The following YES1 variants were observed in gnomAD, a reference collection of about 807,000 sequenced individuals.
YES1 encodes tyrosine-protein kinase Yes.
A neutral mutation model predicts 70.4 loss-of-function variants in YES1; 39 were observed. The ratio of observed to expected loss-of-function variants is 0.55; its 90% CI spans 0.43 to 0.72. The LOEUF (loss-of-function observed/expected upper bound fraction) is 0.72, where lower values mean the gene tolerates loss of function less well. YES1 is among the 30% of genes least tolerant of loss of function. The probability of loss-of-function intolerance (pLI) is 0.00; values close to 1 mark genes in which losing one functional copy is unlikely to be tolerated. For synonymous variants in YES1, 198 were observed against 218.6 expected (o/e 0.91, Z 0.83); for missense variants, 495 against 644.8 (o/e 0.77, Z 2.52).
chr18:764,742 C>T (rs1904779587), intron 1 of YES1, among the ~76,000 whole-genome samples: 1 of 151,540 alleles, frequency 6.6e-6, no homozygotes, highest in South Asian at 2.1e-4. Context: ...TTTTTTCTCT[C>T]TTTTTTTTGA....
At chr18:794,301 C>T (rs538388536) in intron 1 of YES1, among the ~76,000 whole-genome samples, 21 of 152,238 alleles carry the variant, frequency 1.4e-4, no homozygotes, top group Non-Finnish European at 2.6e-4. Flanking sequence ...AAACATCAAA[C>T]AAAAACTCAT....
intron 1 of YES1, among the ~76,000 whole-genome samples, chr18:762,396 T>A (rs542827334): frequency 6.6e-6 from 1 of 152,318 alleles, no homozygotes; most frequent in East Asian, 1.9e-4. Flanking sequence ...TTACACTGAT[T>A]ACCTGGGTAA....
intron 1 of YES1, among the ~76,000 whole-genome samples, chr18:791,350 T>C (rs1906239871): frequency 6.6e-6 from 1 of 152,078 alleles, no homozygotes; most frequent in Admixed American, 6.5e-5. Context: ...TTATTAAGAA[T>C]AGTAACAGAT....
intron 3 of YES1, among the ~76,000 whole-genome samples, chr18:748,779 T>A (rs1382100412): frequency 7.2e-6 from 1 of 138,204 alleles, no homozygotes; most frequent in Non-Finnish European, 1.5e-5. Flanking sequence ...TGTAATACTC[T>A]TTTTTACTCA....
At position 808,680 on chromosome 18, in the gene YES1, T is replaced by C. The variant is rs1907221644; in HGVS notation, c.-9+3434A>G. On this transcript the variant is annotated intron_variant, in intron 1 of 11. Transcript: ENST00000314574. Reference sequence around the variant, plus strand: ...AACATGACTGAAAGTTCCTGTGATATAAAAATTTGGCACAGATGAGATCTC... The same window carrying C: ...AACATGACTGAAAGTTCCTGTGATACAAAAATTTGGCACAGATGAGATCTC... Among the ~76,000 whole-genome samples the C allele has an allele frequency of 2.0e-5, 3 of 152,164 alleles. No homozygotes were observed. The South Asian group carries it at 6.2e-4, about 32-fold the overall frequency.
intron 1 of YES1, among the ~76,000 whole-genome samples, chr18:811,361 G>A (rs555464874): frequency 7.2e-5 from 11 of 152,048 alleles, no homozygotes; most frequent in Middle Eastern, 3.4e-3. Context: ...AAAAACTAAA[G>A]TCCCTACACC....
chr18:734,370 C>A (rs977013689), intron 10 of YES1, among the ~76,000 whole-genome samples: 2 of 151,118 alleles, frequency 1.3e-5, no homozygotes, highest in African/African-American at 4.9e-5. Context: ...CTGGCTAATA[C>A]GGTAAAACCC....
intron 1 of YES1, among the ~76,000 whole-genome samples, chr18:809,169 G>A (rs1010404044): frequency 1.3e-5 from 2 of 152,140 alleles, no homozygotes; most frequent in Non-Finnish European, 2.9e-5. Flanking sequence ...ACAAGCCGAA[G>A]CGGATTTTAA....
Position 756,755 on chromosome 18 carries a change from C to T in YES1, c.73G>A (p.Val25Ile). The change falls in exon 2 of 12, where the codon GTC becomes ATC. Residue 25 changes from valine to isoleucine, a missense_variant. Coordinates refer to ENST00000314574, the MANE Select transcript of YES1 (RefSeq NM_005433.4). ...CCATAATGGCTCACACTTGTACTGA[C>T]AGGCTCTGGAGTATTTTCAGGTCTG... ...KYRPENTPEP[V>I]STSVSHYGAE... 1 of 1,614,204 alleles carries T rather than the reference C, an allele frequency of 6.2e-7. No homozygotes were observed.
intron 10 of YES1, among the ~76,000 whole-genome samples, chr18:733,253 A>G (rs2080112373): frequency 6.6e-6 from 1 of 152,248 alleles, no homozygotes; most frequent in South Asian, 2.1e-4. Flanking sequence ...AGCCAAAGAT[A>G]CATGTTATAA....
chr18:779,023 C>A (rs994151105), intron 1 of YES1, among the ~76,000 whole-genome samples: 3 of 152,054 alleles, frequency 2.0e-5, no homozygotes, highest in Admixed American at 6.6e-5. Context: ...CTTAAAGTAA[C>A]CCAACTCCTT....
chr18:784,697 T>C (rs1333836641), intron 1 of YES1, among the ~76,000 whole-genome samples: 1 of 152,208 alleles, frequency 6.6e-6, no homozygotes, highest in African/African-American at 2.4e-5. Context: ...AGGCCTGGAA[T>C]GTTGTCTCTT....
chr18:807,331 CAAAAA>C (rs34717750), intron 1 of YES1, among the ~76,000 whole-genome samples: 8 of 125,678 alleles, frequency 6.4e-5, no homozygotes, highest in Non-Finnish European at 1.0e-4. Context: ...GATACTTCAT[CAAAAA>C]AAAAAAAAAA....
At chr18:741,674 G>A (rs1365225320) in intron 8 of YES1, among the ~76,000 whole-genome samples, 1 of 152,046 alleles carries the variant, frequency 6.6e-6, no homozygotes, top group Non-Finnish European at 1.5e-5. Context: ...GTGGTGGCAT[G>A]CACCTGTAAT....
intron 3 of YES1, among the ~76,000 whole-genome samples, chr18:748,360 CT>C (rs11372019): frequency 3.5e-5 from 5 of 144,448 alleles, no homozygotes; most frequent in Admixed American, 7.0e-5. Flanking sequence ...GTATTCTTTT[CT>C]TTTTTTTTTT....
chr18:787,080 C>CTTTTTTT lies in YES1; in HGVS notation c.-9+25027_-9+25033dup, dbSNP rs71174290. ...TTTAAAAAACTGTGATACATACTGTCTTTTTTTTTTTTTTTTTTTTTTTTT... is the reference window on the plus strand; with the variant it reads ...TTTAAAAAACTGTGATACATACTGTCTTTTTTTTTTTTTTTTTTTTTTTTTTTTTTTT... On this transcript the variant is annotated intron_variant, in intron 1 of 11. Transcript: ENST00000314574. Among the ~76,000 whole-genome samples the CTTTTTTT allele has an allele frequency of 8.6e-4, 30 of 34,758 alleles. 2 individuals are homozygous for CTTTTTTT. Among genetic ancestry groups the CTTTTTTT allele is most frequent in the South Asian group, 1.7e-3 (1 of 604 alleles). 22.8% of individuals were successfully genotyped at this position (34,758 alleles called of 152,430 possible).
intron 9 of YES1, chr18:737,206 A>G (rs1051966561): frequency 9.2e-6 from 3 of 327,660 alleles, no homozygotes; most frequent in Non-Finnish European, 1.7e-5. Flanking sequence ...TAATCCCATT[A>G]ATTTGGGAGG....
intron 1 of YES1, among the ~76,000 whole-genome samples, chr18:806,998 G>C (rs936071434): frequency 6.6e-6 from 1 of 152,226 alleles, no homozygotes; most frequent in Non-Finnish European, 1.5e-5. Flanking sequence ...TGCTGTGGCT[G>C]GGTGTGGTGG....
intron 1 of YES1, among the ~76,000 whole-genome samples, chr18:770,335 C>A (rs1443573277): frequency 6.7e-6 from 1 of 148,796 alleles, no homozygotes; most frequent in Non-Finnish European, 1.5e-5. Context: ...GAGTGATCAA[C>A]AAGGACTTTC....
Sources: allele counts gnomAD v4.1 joint callset (sites outside exome capture counted in the v4.1 genomes callset), GRCh38; gene constraint gnomAD v4.1.1; transcripts MANE v1.5; gene names NCBI Gene and HGNC (gene_info 2026-07-23, HGNC 2026-07-21).